Variants in SCNN1A observed in about 807,000 individuals in gnomAD.
SCNN1A encodes the protein sodium channel epithelial 1 subunit alpha.
A neutral mutation model predicts 68.6 loss-of-function variants in SCNN1A; 65 were observed. The ratio of observed to expected loss-of-function variants is 0.95; its 90% CI spans 0.78 to 1.16. The LOEUF is 1.16. Ranked by LOEUF, SCNN1A falls within the 50% of genes most tolerant of loss-of-function variation. The pLI is 0.00. For missense variants in SCNN1A, 880 were observed against 865.9 expected (o/e 1.02, Z -0.20); for synonymous variants, 357 against 353.3 (o/e 1.01, Z -0.12).
chr12:6,361,351 C>T (rs1592073152), intron 4 of SCNN1A, among the ~76,000 whole-genome samples: 1 of 152,220 alleles, frequency 6.6e-6, no homozygotes, highest in Non-Finnish European at 1.5e-5. Context: ...CACCTCACTA[C>T]TACTGCCAGC....
intron 2 of SCNN1A, among the ~76,000 whole-genome samples, chr12:6,373,103 C>T (rs1262951228): frequency 1.3e-5 from 2 of 152,118 alleles, no homozygotes; most frequent in Non-Finnish European, 2.9e-5. Context: ...GGACATTATA[C>T]AGACGTTAAT....
At chr12:6,353,782 G>C (rs1318718574) in intron 8 of SCNN1A, 5 of 133,704 alleles carry the variant, frequency 3.7e-5, no homozygotes, top group African/African-American at 1.5e-4. Flanking sequence ...GTAGAGACGG[G>C]GTTTCACCGT....
At chr12:6,365,475 C>G (rs1196695272) in intron 2 of SCNN1A, among the ~76,000 whole-genome samples, 1 of 152,124 alleles carries the variant, frequency 6.6e-6, no homozygotes, top group Admixed American at 6.5e-5. Flanking sequence ...CCACAGTAAT[C>G]AAAACAATGC....
intron 2 of SCNN1A, among the ~76,000 whole-genome samples, chr12:6,370,129 G>T (rs1456311776): frequency 6.6e-6 from 1 of 152,170 alleles, no homozygotes; most frequent in Non-Finnish European, 1.5e-5. Context: ...GCCCTACATT[G>T]GAGGGTGAGT....
intron 4 of SCNN1A, among the ~76,000 whole-genome samples, chr12:6,359,337 C>T (rs1303239445): frequency 6.6e-6 from 1 of 151,250 alleles, no homozygotes; most frequent in Non-Finnish European, 1.5e-5. Context: ...GTGAGAAAGC[C>T]ATGCTAAGGA....
Position 6,375,124 on chromosome 12 carries a change from G to C in SCNN1A, c.-54-287C>G, listed in dbSNP as rs1021105622. The C allele has an allele frequency of 2.0e-6, 3 of 1,488,332 alleles. No individual in the cohort carries two copies. The African/African-American group carries it at 4.2e-5, about 21-fold the overall frequency. 92.2% of individuals were successfully genotyped at this position (1,488,332 alleles called of 1,614,324 possible). ...GGGCCACCTTTCGAGTTTTGTCCTA[G>C]CACCTCCCTTTCTGTCTCTGCCCCC... On this transcript the variant is annotated intron_variant, in intron 1 of 12. Coordinates refer to ENST00000228916, the MANE Select transcript of SCNN1A (RefSeq NM_001038.6).
At chr12:6,375,110 C>CA in intron 1 of SCNN1A, 3 of 1,501,132 alleles carry the variant, frequency 2.0e-6, no homozygotes, top group Non-Finnish European at 2.7e-6. Flanking sequence ...GGCCACCTTT[C>CA]GAGTTTTGTC....
chr12:6,363,428 C>A lies in SCNN1A; in HGVS notation c.684+15G>T. On this transcript the variant is annotated intron_variant, in intron 3 of 12. Transcript: ENST00000228916. ...GCGAGGGGCGGGGCGGGCCCCTCGG[C>A]GCTGCGGGCCTCACCAGCTGGAAGC... 1.3e-6 allele frequency: 2 copies of A among 1,527,692 alleles called. No individual in the cohort carries two copies. Among genetic ancestry groups the A allele is most frequent in the Middle Eastern group, 2.4e-4 (1 of 4,252 alleles). 94.6% of individuals were successfully genotyped at this position (1,527,692 alleles called of 1,614,324 possible). A position where few individuals can be genotyped will look rare whatever the true frequency, so the allele number is the denominator to read the frequency against.
At chr12:6,377,022 G>A (rs1254573791), upstream of SCNN1A, 2 of 468,722 alleles carry the variant, frequency 4.3e-6, no homozygotes, top group East Asian at 3.3e-5. Context: ...CAAGGGCTAG[G>A]GGAGCCTAGG....
intron 7 of SCNN1A, 28 bp downstream of exon 7, chr12:6,354,722 G>C (rs750543055): frequency 2.3e-5 from 37 of 1,586,506 alleles, no homozygotes; most frequent in Middle Eastern, 1.7e-4. Flanking sequence ...GCTGGGAGTG[G>C]CTGCCACGGA....
chr12:6,358,693 T>C, intron 4 of SCNN1A, among the ~76,000 whole-genome samples: 1 of 151,746 alleles, frequency 6.6e-6, no homozygotes, highest in East Asian at 1.9e-4. Flanking sequence ...ACCTAGTCTC[T>C]ACTAAAATTA....
chr12:6,353,840 TGG>T (rs1948441442), intron 8 of SCNN1A: 4 of 146,826 alleles, frequency 2.7e-5, no homozygotes, highest in Non-Finnish European at 4.5e-5. Context: ...CCGCCCGCCG[TGG>T]CCTCCCAAAG....
rs755303181 is a variant in SCNN1A, at chr12:6,363,545, C to T, written c.582G>A (p.Pro194=). Residue 194 remains proline, a synonymous_variant, in exon 3 of 13, where the codon CCG becomes CCA. Coordinates refer to ENST00000228916, the MANE Select transcript of SCNN1A (RefSeq NM_001038.6). ...LPHPLQRLRV[P]PPPHGARRAR... Reference sequence around the variant, plus strand: ...CTCGACGGGCCCCGTGAGGCGGGGGCGGGACCCTCAGGCGCTGCAAGGGGT... The same window carrying T: ...CTCGACGGGCCCCGTGAGGCGGGGGTGGGACCCTCAGGCGCTGCAAGGGGT... The T allele has an allele frequency of 8.7e-6, 14 of 1,609,632 alleles. No individual in the cohort carries two copies. The highest frequency in any genetic ancestry group is 1.2e-5 in the Non-Finnish European group (14 of 1,178,128).
rs61731141 is a variant in SCNN1A, at chr12:6,355,778, G to A, written c.978C>T (p.Asn326=). 4.8e-3 allele frequency: 7,655 copies of A among 1,602,436 alleles called. 112 individuals carry two copies. The highest frequency in any genetic ancestry group is 0.046 in the African/African-American group (3,414 of 74,764). ...TGGAGCAAGCAGGGAGCTTCTCACC[G>A]TTGTTGATTCCAGGCATGGAAGACA... The part of the protein sequence containing the change: ...LWMSSMPGIN[N]GLSLMLRAEQ... Residue 326 remains asparagine, a splice_region_variant and synonymous_variant, in exon 5 of 13, where the codon AAC becomes AAT. Transcript: ENST00000228916.
At chr12:6,364,789 C>A (rs1324447593) in intron 2 of SCNN1A, among the ~76,000 whole-genome samples, 1 of 152,016 alleles carries the variant, frequency 6.6e-6, no homozygotes, top group Non-Finnish European at 1.5e-5. Flanking sequence ...AATTGCATTT[C>A]CGTCTCAAAA....
Position 6,362,091 on chromosome 12 carries a change from T to A in SCNN1A, c.835A>T (p.Ile279Phe). ...ACCTGGTTGAAGCGGCAGGCGAAGA[T>A]GAAGTTGCCCAGCGTGTCCTCCTCC... Reference protein sequence around the residue: ...SLEEDTLGNFIFACRFNQVSC... With the variant: ...SLEEDTLGNFFFACRFNQVSC... Residue 279 changes from isoleucine (I) to phenylalanine (F), a missense_variant, in exon 4 of 13, where the codon ATC becomes TTC. Physicochemically the swap from Ile to Phe is conservative, Grantham distance 21. Coordinates refer to ENST00000228916, the MANE Select transcript of SCNN1A (RefSeq NM_001038.6). The A allele has an allele frequency of 6.2e-7, 1 of 1,614,132 alleles. No homozygotes were observed. The highest frequency in any genetic ancestry group is 8.5e-7 in the Non-Finnish European group (1 of 1,180,032).
intron 2 of SCNN1A, 128 bp from the exon 3 acceptor site, chr12:6,363,838 G>T: frequency 1.1e-6 from 1 of 897,282 alleles, no homozygotes; most frequent in Non-Finnish European, 1.6e-6. Context: ...GCGGGGCTGG[G>T]GTCGTCGTGG....
chr12:6,364,188 T>A (rs1374796557), intron 2 of SCNN1A: 1 of 153,164 alleles, frequency 6.5e-6, no homozygotes, highest in Non-Finnish European at 1.5e-5. Flanking sequence ...ACTTTTAGAA[T>A]CTCCAACTCT....
chr12:6,370,758 A>G (rs539083954), intron 2 of SCNN1A, among the ~76,000 whole-genome samples: 1 of 152,186 alleles, frequency 6.6e-6, no homozygotes, highest in Admixed American at 6.5e-5. Flanking sequence ...TCCTCCCCAC[A>G]GGAGCTCTCT....
Sources: gnomAD v4.1 joint callset for allele counts (sites outside exome capture counted in the v4.1 genomes callset) on GRCh38, gnomAD v4.1.1 for gene constraint, MANE v1.5 for transcripts, NCBI Gene and HGNC (gene_info 2026-07-23, HGNC 2026-07-21) for gene names.